Variants in FRMD4A observed in about 807,000 individuals in gnomAD.
FRMD4A encodes the protein FERM domain-containing protein 4A.
Under a neutral mutation model 129.1 loss-of-function variants are expected in FRMD4A, and 29 were observed. That is an observed-to-expected ratio of 0.22 (90% CI 0.17 to 0.31). The LOEUF (loss-of-function observed/expected upper bound fraction) is 0.31. FRMD4A is among the 10% of genes least tolerant of loss of function. FRMD4A has a pLI of 1.00. For missense variants in FRMD4A, 1,272 were observed against 1,375.8 expected (o/e 0.92, Z 1.19); for synonymous variants, 634 against 571.6 (o/e 1.11, Z -1.56).
At chr10:14,054,572 T>C (rs532124323) in intron 2 of FRMD4A, among the ~76,000 whole-genome samples, 1 of 152,182 alleles carries the variant, frequency 6.6e-6, no homozygotes, top group Non-Finnish European at 1.5e-5. Flanking sequence ...TCCTATTTGA[T>C]ACCTGGGCAG....
At chr10:13,675,158 G>A (rs1286168254) in intron 15 of FRMD4A, 114 bp from the exon 16 acceptor site, 19 of 950,380 alleles carry the variant, frequency 2.0e-5, no homozygotes, top group Non-Finnish European at 3.1e-5. Context: ...CAGGAATCAA[G>A]GGAGTGTGAA....
chr10:14,058,017 T>A (rs1055949978), intron 2 of FRMD4A, among the ~76,000 whole-genome samples: 3 of 152,354 alleles, frequency 2.0e-5, no homozygotes, highest in Middle Eastern at 3.4e-3. Context: ...AATATATAGT[T>A]ACATGCAAGT....
intron 8 of FRMD4A, among the ~76,000 whole-genome samples, chr10:13,755,071 T>C (rs1197236887): frequency 6.6e-6 from 1 of 152,216 alleles, no homozygotes; most frequent in East Asian, 1.9e-4. Context: ...CTGCTTTAGA[T>C]TAATCAAGTC....
chr10:13,939,490 G>A (rs1588437891), intron 2 of FRMD4A, among the ~76,000 whole-genome samples: 1 of 152,114 alleles, frequency 6.6e-6, no homozygotes, highest in Admixed American at 6.5e-5. Flanking sequence ...CTTCTGATTG[G>A]CTAGTTCCTG....
At chr10:14,252,899 C>T (rs1003909695) in intron 2 of FRMD4A, among the ~76,000 whole-genome samples, 3 of 152,164 alleles carry the variant, frequency 2.0e-5, no homozygotes, top group African/African-American at 7.2e-5. Context: ...ATTCTACTAA[C>T]TATAAGGAAA....
chr10:14,309,609 G>A (rs778224135), intron 2 of FRMD4A, among the ~76,000 whole-genome samples: 7 of 151,976 alleles, frequency 4.6e-5, no homozygotes, highest in Admixed American at 1.3e-4. Flanking sequence ...GAGAACCCCC[G>A]AGGTAGCCAC....
intron 2 of FRMD4A, among the ~76,000 whole-genome samples, chr10:13,882,568 T>A (rs2094559272): frequency 6.6e-6 from 1 of 152,140 alleles, no homozygotes; most frequent in South Asian, 2.1e-4. Context: ...CACTGGTAAG[T>A]AGCCAAACCC....
Position 13,856,013 on chromosome 10 carries a change from A to ACTATCTATCTATCTATCATCTAT in FRMD4A, c.111+2833_111+2834insATAGATGATAGATAGATAGATAG, listed in dbSNP as rs994770198. 2.0e-3 allele frequency among the ~76,000 whole-genome samples: 296 copies of ACTATCTATCTATCTATCATCTAT among 147,948 alleles called. 2 individuals are homozygous for ACTATCTATCTATCTATCATCTAT. The highest frequency in any genetic ancestry group is 7.2e-3 in the African/African-American group (288 of 40,044). On this transcript the variant is annotated intron_variant, in intron 3 of 24. Transcript: ENST00000357447. Reference sequence around the variant, plus strand: ...TGTATTTAGCTTACCACACACAAATACTATCTATCTATCTATCTATCTATC... The same window carrying ACTATCTATCTATCTATCATCTAT: ...TGTATTTAGCTTACCACACACAAATACTATCTATCTATCTATCATCTATCTATCTATCTATCTATCTATCTATC...
chr10:13,977,200 T>C (rs2095544978), intron 2 of FRMD4A, among the ~76,000 whole-genome samples: 1 of 152,222 alleles, frequency 6.6e-6, no homozygotes, highest in Admixed American at 6.5e-5. Flanking sequence ...CAGATTTCTT[T>C]TGTGCTTTGT....
intron 17 of FRMD4A, 108 bp downstream of exon 17, chr10:13,670,298 G>A: frequency 8.9e-7 from 1 of 1,127,944 alleles, no homozygotes; most frequent in South Asian, 1.4e-5. Flanking sequence ...CGAAAATACT[G>A]GCATTAGGCA....
At chr10:14,192,612 T>C (rs553133913) in intron 2 of FRMD4A, among the ~76,000 whole-genome samples, 4 of 152,336 alleles carry the variant, frequency 2.6e-5, no homozygotes, top group East Asian at 1.9e-4. Context: ...CTTGGACTTA[T>C]GTATTTTCAT....
At chr10:14,277,704 C>T (rs777106137) in intron 2 of FRMD4A, among the ~76,000 whole-genome samples, 8 of 152,234 alleles carry the variant, frequency 5.3e-5, no homozygotes, top group Non-Finnish European at 1.5e-5. Flanking sequence ...AGTTACTTTC[C>T]CCTCCCTCAT....
intron 2 of FRMD4A, among the ~76,000 whole-genome samples, chr10:13,940,120 A>C (rs1040962400): frequency 1.3e-5 from 2 of 151,958 alleles, no homozygotes; most frequent in East Asian, 2.0e-4. Flanking sequence ...GAAGGGCACA[A>C]ACCCTTTCAG....
intron 8 of FRMD4A, among the ~76,000 whole-genome samples, chr10:13,752,562 A>C (rs1057241661): frequency 6.6e-6 from 1 of 152,244 alleles, no homozygotes; most frequent in African/African-American, 2.4e-5. Flanking sequence ...TGCTAAAACC[A>C]GTCGTTTCTG....
At chr10:14,302,807 T>G (rs1846227695) in intron 2 of FRMD4A, among the ~76,000 whole-genome samples, 1 of 152,180 alleles carries the variant, frequency 6.6e-6, no homozygotes, top group South Asian at 2.1e-4. Context: ...CTGCTGATGG[T>G]CAGGTGGTCA....
intron 2 of FRMD4A, among the ~76,000 whole-genome samples, chr10:13,864,208 C>G (rs1448710022): frequency 5.0e-4 from 76 of 151,728 alleles, no homozygotes; most frequent in Non-Finnish European, 2.9e-5. Context: ...GTTGGCCAGG[C>G]TGGTCTCGAA....
rs10691331 is a variant in FRMD4A at position 14,009,814 on chromosome 10, C to CAT, written c.46-150903_46-150902insAT. The stretch of plus-strand genomic sequence containing the variant: ...AGAGTCAGTGAGAGGGTGAGAGAGA[C>CAT]GGGGAGACGGAAACCTCTTAACCAC... On this transcript the variant is annotated intron_variant, in intron 2 of 24. Transcript: ENST00000357447. Among the ~76,000 whole-genome samples, 25 of 151,876 alleles carry CAT rather than the reference C, an allele frequency of 1.6e-4. No homozygotes were observed. In the East Asian group the frequency reaches 4.7e-3, roughly 28 times the overall value.
At position 14,205,014 on chromosome 10, in the gene FRMD4A, C is replaced by G. The variant is rs557778342; in HGVS notation, c.45+125044G>C. Among the ~76,000 whole-genome samples the G allele has an allele frequency of 1.4e-4, 21 of 151,876 alleles. No homozygotes were observed. The East Asian group carries it at 3.7e-3, about 27-fold the overall frequency. Reference sequence around the variant, plus strand: ...CCACCCCACGTGTCTCTGCCTTAACCCTTCCTTACCAAAGTTCTGCCTGAT... The same window carrying G: ...CCACCCCACGTGTCTCTGCCTTAACGCTTCCTTACCAAAGTTCTGCCTGAT... On this transcript the variant is annotated intron_variant, in intron 2 of 24. Transcript: ENST00000357447.
intron 2 of FRMD4A, among the ~76,000 whole-genome samples, chr10:14,052,289 G>C (rs2131688106): frequency 6.6e-6 from 1 of 152,364 alleles, no homozygotes; most frequent in Non-Finnish European, 1.5e-5. Context: ...CTGGTTTGCA[G>C]TGTTTTGTTA....
Sources: gnomAD v4.1 joint callset for allele counts (sites outside exome capture counted in the v4.1 genomes callset) on GRCh38, gnomAD v4.1.1 for gene constraint, MANE v1.5 for transcripts, NCBI Gene and HGNC (gene_info 2026-07-23, HGNC 2026-07-21) for gene names.